The following MRI1 variants were observed in gnomAD, a reference collection of about 807,000 sequenced individuals.
MRI1 encodes the protein methylthioribose-1-phosphate isomerase.
In MRI1, 32 loss-of-function variants were observed where a neutral mutation model predicts 27.3. The ratio of observed to expected loss-of-function variants is 1.17; its 90% CI spans 0.88 to 1.57. MRI1 has a LOEUF of 1.57. MRI1 is among the 40% of genes most tolerant of loss of function. MRI1 has a pLI of 0.00. For synonymous variants in MRI1, 216 were observed against 227.4 expected, an observed-to-expected ratio of 0.95 and a Z score of 0.45; for missense variants, 508 against 516.1, an observed-to-expected ratio of 0.98 and a Z score of 0.15.
At chr19:13,767,863 T>TTTTTTC (rs1974174041) in intron 3 of MRI1, among the ~76,000 whole-genome samples, 1 of 91,126 alleles carries the variant, frequency 1.1e-5, no homozygotes, top group Non-Finnish European at 1.9e-5. Flanking sequence ...TTTCTTTCCT[T>TTTTTTC]TTTTTTTTTT....
chr19:13,765,226 T>A, intron 2 of MRI1, 117 bp downstream of exon 2: 1 of 854,046 alleles, frequency 1.2e-6, no homozygotes, highest in South Asian at 2.3e-5. Context: ...AAGTCCCTTG[T>A]CCAGGGCCCC....
At chr19:13,765,811 G>A in intron 2 of MRI1, 143 bp from the exon 3 acceptor site, 1 of 827,162 alleles carries the variant, frequency 1.2e-6, no homozygotes, top group Non-Finnish European at 1.9e-6. Flanking sequence ...CACTTCGGTG[G>A]CCCTGGCCGA....
In MRI1 at chr19:13,764,597, G is replaced by C. The variant is rs781508871; in HGVS notation, c.9G>C (p.Leu3=). The change falls in exon 1 of 6, where the codon CTG becomes CTC. Residue 3 remains leucine (L), a synonymous_variant. Transcript: ENST00000040663. MT[L]EAIRYSRGSL... is the part of the protein sequence containing the mutation. ...GGCTTGGCTGCTGCACCATGACCCT[G>C]GAGGCGATCCGCTACTCGCGGGGCT... 8.1e-6 allele frequency: 13 copies of C among 1,609,136 alleles called. No individual in the cohort carries two copies. The South Asian group carries it at 1.2e-4, about 15-fold the overall frequency.
chr19:13,769,578 G>T (rs1334292835), intron 5 of MRI1, among the ~76,000 whole-genome samples: 2 of 151,866 alleles, frequency 1.3e-5, no homozygotes, highest in African/African-American at 2.4e-5. Context: ...CTCCACTTAG[G>T]TTTTCTTAAG....
chr19:13,768,960 C>G lies in MRI1; in HGVS notation c.861C>G (p.Leu287=). 1 of 1,614,148 alleles carries G rather than the reference C, an allele frequency of 6.2e-7. No individual in the cohort carries two copies. Among genetic ancestry groups the G allele is most frequent in the Non-Finnish European group, 8.5e-7 (1 of 1,180,016 alleles). The change falls in exon 5 of 6, where the codon CTC becomes CTG. Residue 287 remains leucine (L), a synonymous_variant. Coordinates refer to ENST00000040663, the MANE Select transcript of MRI1 (RefSeq NM_001031727.4). ...CTGCCCCCAGCTCTTCATGTGACCTCCGTCTGGAGACCGGCAAGGAGATCA... is the reference window on the plus strand; with the variant it reads ...CTGCCCCCAGCTCTTCATGTGACCTGCGTCTGGAGACCGGCAAGGAGATCA... The part of the protein sequence containing the change: ...YVAAPSSSCD[L]RLETGKEIII...
Position 13,773,347 on chromosome 19 carries a change from A to C in MRI1, c.*1066A>C. 1 of 151,742 alleles carries C rather than the reference A, an allele frequency of 6.6e-6. No homozygotes were observed. Among genetic ancestry groups the C allele is most frequent in the East Asian group, 2.0e-4 (1 of 5,080 alleles). The allele number at this position is 151,742 out of a possible 1,614,324, so 9.4% of individuals were successfully genotyped here. A position where few individuals can be genotyped will look rare whatever the true frequency, so the allele number is the denominator to read the frequency against. ...TTTAAAAATCAAAATTAATGCAAAA[A>C]TCCATGATGAGGCCAGGCTTGGTGG... On this transcript the variant is annotated 3_prime_UTR_variant, in exon 6 of 6. Transcript: ENST00000040663.
chr19:13,773,575 G>A lies in MRI1; in HGVS notation c.*1294G>A, dbSNP rs1484624818. 1 of 153,714 alleles carries A rather than the reference G, an allele frequency of 6.5e-6. No homozygotes were observed. Among genetic ancestry groups the A allele is most frequent in the South Asian group, 2.0e-4 (1 of 4,898 alleles). The allele number at this position is 153,714 out of a possible 1,614,324, so 9.5% of individuals were successfully genotyped here. On this transcript the variant is annotated 3_prime_UTR_variant, in exon 6 of 6. Transcript: ENST00000040663. The stretch of plus-strand genomic sequence containing the variant: ...GCCCAGGAGTTCAAGGATGCAGTGT[G>A]CTTTGATTGCACTACTGCACTTCAC...
In MRI1 at chr19:13,765,039, C is replaced by G. The variant is rs750615781; in HGVS notation, c.301C>G (p.Arg101Gly). 3.3e-6 allele frequency: 5 copies of G among 1,525,226 alleles called. No individual in the cohort carries two copies. The highest frequency in any genetic ancestry group is 4.4e-6 in the Non-Finnish European group (5 of 1,141,440). The allele number at this position is 1,525,226 out of a possible 1,614,324, so 94.5% of individuals were successfully genotyped here. ...PTAVNMARAA[R>G]DLADVAAREA... ...CGCTGTCAACATGGCCCGCGCCGCC[C>G]GCGACCTGGCTGATGTTGCAGCCCG... Residue 101 changes from arginine to glycine, a missense_variant, in exon 2 of 6, where the codon CGC becomes GGC. Physicochemically the swap from Arg to Gly is moderately radical, Grantham distance 125 (BLOSUM62 -2). This residue lies in a region of MRI1 where 457 missense variants were observed against 452.8 expected (regional missense o/e 1.01). Coordinates refer to ENST00000040663, the MANE Select transcript of MRI1 (RefSeq NM_001031727.4).
chr19:13,772,205 C>A lies in MRI1; in HGVS notation c.1034C>A (p.Ala345Asp). ...ATCATCACAGAACTGGGGGTCTTTG[C>A]CCCTGAGGAGCTCCGGACAGCCCTA... is the stretch of plus-strand genomic sequence containing the variant. ...GGIITELGVF[A>D]PEELRTALTT... Residue 345 changes from alanine (A) to aspartate (D), a missense_variant, in exon 6 of 6, where the codon GCC (alanine) becomes GAC (aspartate). Physicochemically the swap from Ala to Asp is moderately radical, Grantham distance 126. Around this residue, in one of 3 missense-constraint regions of MRI1, gnomAD observed 457 missense variants for 452.8 expected, o/e 1.01. Coordinates refer to ENST00000040663, the MANE Select transcript of MRI1 (RefSeq NM_001031727.4). 6.2e-7 allele frequency: 1 copy of A among 1,613,490 alleles called. No individual in the cohort carries two copies. The highest frequency in any genetic ancestry group is 8.5e-7 in the Non-Finnish European group (1 of 1,179,958).
At chr19:13,768,295 G>C in intron 3 of MRI1, 2 of 815,904 alleles carry the variant, frequency 2.5e-6, no homozygotes, top group South Asian at 2.9e-5. Context: ...CTGAAAGTGT[G>C]GGGATTGCTA....
Position 13,765,940 on chromosome 19 carries a change from C to T in MRI1, c.372-14C>T. 6.4e-7 allele frequency: 1 copy of T among 1,571,408 alleles called. No homozygotes were observed. The highest frequency in any genetic ancestry group is 8.6e-7 in the Non-Finnish European group (1 of 1,156,642). On this transcript the variant is annotated splice_polypyrimidine_tract_variant and intron_variant, in intron 2 of 5. Transcript: ENST00000040663. ...GTCCTGGTGGCTGGTGCTGAAAACT[C>T]CTTGTCACCCCAGAGTGATCTGCTG...
rs1473042204 is a variant in MRI1 at position 13,764,839 on chromosome 19, C to A, written c.133-32C>A. 3 of 1,295,180 alleles carry A rather than the reference C, an allele frequency of 2.3e-6. No homozygotes were observed. The African/African-American group carries it at 4.6e-5, about 20-fold the overall frequency. The allele number at this position is 1,295,180 out of a possible 1,614,324, so 80.2% of individuals were successfully genotyped here. ...GGAGGTGGGAGTGCGCCCGCGCCTG[C>A]AGCTTCCGACGCCCAAATCCCTGCC... is the stretch of plus-strand genomic sequence containing the variant. On this transcript the variant is annotated intron_variant, in intron 1 of 5. Coordinates refer to ENST00000040663, the MANE Select transcript of MRI1 (RefSeq NM_001031727.4).
Position 13,768,554 on chromosome 19 carries a change from C to G in MRI1, c.548-7C>G. 6.3e-7 allele frequency: 1 copy of G among 1,599,518 alleles called. No homozygotes were observed. The highest frequency in any genetic ancestry group is 8.5e-7 in the Non-Finnish European group (1 of 1,172,848). On this transcript the variant is annotated splice_region_variant and splice_polypyrimidine_tract_variant and intron_variant, in intron 3 of 5. Coordinates refer to ENST00000040663, the MANE Select transcript of MRI1 (RefSeq NM_001031727.4). ...GGGCCTTCTCCTGGTGGGTGGGGCCCCCGCAGGTGTGATTCGCTCACTGCA... is the reference window on the plus strand; with the variant it reads ...GGGCCTTCTCCTGGTGGGTGGGGCCGCCGCAGGTGTGATTCGCTCACTGCA...
chr19:13,767,008 CATATATATATAT>C (rs1250741648), intron 3 of MRI1, among the ~76,000 whole-genome samples: 6 of 49,592 alleles, frequency 1.2e-4, no homozygotes, highest in East Asian at 1.5e-3. Context: ...TGCACATCCA[CATATATATATAT>C]ATATATATAT....
At chr19:13,770,261 A>G (rs1180882171) in intron 5 of MRI1, among the ~76,000 whole-genome samples, 4 of 152,208 alleles carry the variant, frequency 2.6e-5, no homozygotes, top group African/African-American at 7.2e-5. Flanking sequence ...ATTAACCCAC[A>G]GGACATTTAG....
At position 13,764,883 on chromosome 19, in the gene MRI1, C is replaced by G. The variant is rs1974081188; in HGVS notation, c.145C>G (p.Pro49Ala). The stretch of plus-strand genomic sequence containing the variant: ...CCCTGCCCCGCAGGTGCGGGGCGCC[C>G]CGGCCATAGCCCTGGTGGGCTGTCT... ...AIRAMKVRGA[P>A]AIALVGCLSL... is the part of the protein sequence containing the mutation. The change falls in exon 2 of 6, where the codon CCG becomes GCG. Residue 49 changes from proline (P) to alanine (A), a missense_variant. Coordinates refer to ENST00000040663, the MANE Select transcript of MRI1 (RefSeq NM_001031727.4). 3.7e-6 allele frequency: 5 copies of G among 1,360,392 alleles called. No individual in the cohort carries two copies. In the South Asian group the frequency reaches 7.0e-5, roughly 19 times the overall value. 84.3% of individuals were successfully genotyped at this position (1,360,392 alleles called of 1,614,324 possible). A position where few individuals can be genotyped will look rare whatever the true frequency, so the allele number is the denominator to read the frequency against.
Position 13,765,111 on chromosome 19 carries a change from T to C in MRI1, c.371+2T>C. On this transcript the variant is annotated splice_donor_variant, in intron 2 of 5. Transcript: ENST00000040663. LOFTEE classifies it high-confidence loss of function. ...TACGGAAGAGGCGGTCCGGGAGAGG[T>C]ACGGGGATCTGGTACCAGGCACGGC... The C allele has an allele frequency of 6.6e-7, 1 of 1,518,600 alleles. No individual in the cohort carries two copies. The highest frequency in any genetic ancestry group is 2.6e-5 in the East Asian group (1 of 38,592). 94.1% of individuals were successfully genotyped at this position (1,518,600 alleles called of 1,614,324 possible). A position where few individuals can be genotyped will look rare whatever the true frequency, so the allele number is the denominator to read the frequency against.
Position 13,765,064 on chromosome 19 carries a change from G to A in MRI1, c.326G>A (p.Arg109Gln). The change falls in exon 2 of 6, where the codon CGG (arginine) becomes CAG (glutamine). Residue 109 changes from arginine to glutamine, a missense_variant. By Grantham distance (43) the Arg-to-Gln change is conservative. Coordinates refer to ENST00000040663, the MANE Select transcript of MRI1 (RefSeq NM_001031727.4). The stretch of plus-strand genomic sequence containing the variant: ...CGCGACCTGGCTGATGTTGCAGCCC[G>A]GGAGGCCGAACGGGAGGGCGCTACG... The part of the protein sequence containing the change: ...AARDLADVAA[R>Q]EAEREGATEE... 1 of 1,523,946 alleles carries A rather than the reference G, an allele frequency of 6.6e-7. No homozygotes were observed. The highest frequency in any genetic ancestry group is 2.6e-5 in the East Asian group (1 of 38,894). The allele number at this position is 1,523,946 out of a possible 1,614,324, so 94.4% of individuals were successfully genotyped here. A position where few individuals can be genotyped will look rare whatever the true frequency, so the allele number is the denominator to read the frequency against.
intron 2 of MRI1, 117 bp downstream of exon 2, chr19:13,765,226 T>C (rs1974096145): frequency 4.7e-6 from 4 of 854,044 alleles, no homozygotes; most frequent in Middle Eastern, 5.9e-4. Context: ...AAGTCCCTTG[T>C]CCAGGGCCCC....
Sources: allele counts gnomAD v4.1 joint callset (sites outside exome capture counted in the v4.1 genomes callset), GRCh38; gene constraint gnomAD v4.1.1; regional missense constraint gnomAD v4.1.1; transcripts MANE v1.5; gene names NCBI Gene and HGNC (gene_info 2026-07-23, HGNC 2026-07-21).